GXYLT2: variants seen among roughly 807,000 people sequenced by gnomAD.
The protein encoded by GXYLT2 is glucoside xylosyltransferase 2, also known as glycosyltransferase 8 domain containing 4.
In GXYLT2, 53 loss-of-function variants were observed where a neutral mutation model predicts 45.8. The ratio of observed to expected loss-of-function variants is 1.16; its 90% confidence interval spans 0.93 to 1.46. The LOEUF is 1.46. GXYLT2 is among the 40% of genes most tolerant of loss of function. The pLI is 0.00. For synonymous variants in GXYLT2, 219 were observed against 214.2 expected (o/e 1.02, Z -0.19); for missense variants, 551 against 544.4 (o/e 1.01, Z -0.12).
rs368048666 is a variant in GXYLT2, at chr3:72,918,697, C to T, written c.469-3507C>T. On this transcript the variant is annotated intron_variant, in intron 2 of 6. Transcript: ENST00000389617. ...AAAAAATTAGCTGGGCATAGTAGTG[C>T]GCGTCTACTCGGGAGGCTACTCGGG... Among the ~76,000 whole-genome samples the T allele has an allele frequency of 2.2e-4, 33 of 151,864 alleles. 2 individuals carry two copies. Among genetic ancestry groups the T allele is most frequent in the Admixed American group, 1.1e-3 (17 of 15,228 alleles).
At chr3:72,958,629 C>CTT (rs760548760) in intron 5 of GXYLT2, among the ~76,000 whole-genome samples, 33 of 108,690 alleles carry the variant, frequency 3.0e-4, no homozygotes, top group Non-Finnish European at 3.7e-4. Flanking sequence ...TCACTTGTGG[C>CTT]TTTTTTTTTT....
At chr3:72,935,507 A>G (rs1428052466) in intron 3 of GXYLT2, among the ~76,000 whole-genome samples, 1 of 152,184 alleles carries the variant, frequency 6.6e-6, no homozygotes, top group Non-Finnish European at 1.5e-5. Flanking sequence ...GAGAGAATCC[A>G]TCAGAAGACA....
intron 5 of GXYLT2, among the ~76,000 whole-genome samples, chr3:72,960,215 C>T (rs894539029): frequency 2.6e-5 from 4 of 152,172 alleles, no homozygotes; most frequent in Non-Finnish European, 4.4e-5. Flanking sequence ...GCCACCACAC[C>T]CGGCCCTTTT....
chr3:72,958,190 T>C (rs1008085379), intron 5 of GXYLT2, among the ~76,000 whole-genome samples: 1 of 151,704 alleles, frequency 6.6e-6, no homozygotes, highest in African/African-American at 2.4e-5. Flanking sequence ...GGAGAATCAC[T>C]TGAACCCGGG....
chr3:72,894,141 G>A (rs1036278589), intron 1 of GXYLT2, among the ~76,000 whole-genome samples: 5 of 152,176 alleles, frequency 3.3e-5, no homozygotes, highest in Admixed American at 2.6e-4. Context: ...TAAGGGAATC[G>A]CCTTTAGGAT....
intron 1 of GXYLT2, 39 bp downstream of exon 1, chr3:72,888,547 G>A: frequency 1.7e-6 from 2 of 1,174,678 alleles, no homozygotes; most frequent in East Asian, 3.8e-5. Context: ...CTGCGGACCC[G>A]TGTCTCGCTC....
chr3:72,921,423 A>G (rs1709831803), intron 2 of GXYLT2, among the ~76,000 whole-genome samples: 1 of 151,618 alleles, frequency 6.6e-6, no homozygotes, highest in African/African-American at 2.4e-5. Flanking sequence ...TTCTTTTTCA[A>G]TTTAATTTAA....
At chr3:72,890,063 G>C (rs1709155258) in intron 1 of GXYLT2, among the ~76,000 whole-genome samples, 1 of 152,148 alleles carries the variant, frequency 6.6e-6, no homozygotes, top group Non-Finnish European at 1.5e-5. Context: ...TGGCAAACAG[G>C]CGTGTGCCAC....
intron 1 of GXYLT2, among the ~76,000 whole-genome samples, chr3:72,903,261 C>T (rs1022230530): frequency 2.0e-5 from 3 of 152,226 alleles, no homozygotes; most frequent in African/African-American, 7.2e-5. Context: ...TTACATAATA[C>T]AAGTAATCCA....
intron 3 of GXYLT2, chr3:72,928,912 C>T: frequency 1.4e-6 from 1 of 694,544 alleles, no homozygotes. Context: ...ACCCGGCGTT[C>T]GTCCCCCATC....
intron 3 of GXYLT2, among the ~76,000 whole-genome samples, chr3:72,954,070 A>C (rs1710577361): frequency 6.6e-6 from 1 of 152,156 alleles, no homozygotes; most frequent in African/African-American, 2.4e-5. Context: ...CAACCCGGAC[A>C]ACAGAGCAAG....
intron 1 of GXYLT2, chr3:72,907,877 A>G: frequency 6.4e-6 from 1 of 156,382 alleles, no homozygotes; most frequent in East Asian, 1.9e-4. Flanking sequence ...GCTTTGGTCC[A>G]GTGGTCATGC....
intron 1 of GXYLT2, among the ~76,000 whole-genome samples, chr3:72,893,480 G>A (rs1053700561): frequency 2.6e-5 from 4 of 152,142 alleles, no homozygotes; most frequent in Non-Finnish European, 5.9e-5. Flanking sequence ...ACCCTGTGTA[G>A]TCTTTTGTTT....
At chr3:72,903,653 G>C (rs1709448064) in intron 1 of GXYLT2, among the ~76,000 whole-genome samples, 1 of 152,150 alleles carries the variant, frequency 6.6e-6, no homozygotes, top group Admixed American at 6.5e-5. Context: ...GCCCTACATG[G>C]TGTTTGGCAT....
At chr3:72,964,076 C>T (rs1320686025) in intron 5 of GXYLT2, among the ~76,000 whole-genome samples, 1 of 152,136 alleles carries the variant, frequency 6.6e-6, no homozygotes, top group Non-Finnish European at 1.5e-5. Context: ...TCCCAAAGTG[C>T]TGGGATTATA....
intron 3 of GXYLT2, among the ~76,000 whole-genome samples, chr3:72,953,021 T>C (rs1710555397): frequency 6.6e-6 from 1 of 152,100 alleles, no homozygotes; most frequent in Admixed American, 6.5e-5. Flanking sequence ...TACTACTAGC[T>C]AAGGCTTTGA....
At chr3:72,921,309 T>C (rs1226882398) in intron 2 of GXYLT2, among the ~76,000 whole-genome samples, 2 of 152,194 alleles carry the variant, frequency 1.3e-5, no homozygotes, top group African/African-American at 4.8e-5. Flanking sequence ...GACAATGATA[T>C]AGAACTGAGG....
chr3:72,964,877 T>G (rs1225369655), intron 5 of GXYLT2, among the ~76,000 whole-genome samples: 2 of 152,232 alleles, frequency 1.3e-5, no homozygotes, highest in African/African-American at 4.8e-5. Context: ...TGAGCATCAT[T>G]AATGAGTGAT....
intron 3 of GXYLT2, among the ~76,000 whole-genome samples, chr3:72,941,230 C>A (rs1303918411): frequency 6.6e-6 from 1 of 152,182 alleles, no homozygotes; most frequent in East Asian, 1.9e-4. Flanking sequence ...GTTTACTCAT[C>A]TCCCTGCTAC....
Sources: gnomAD v4.1 joint callset for allele counts (sites outside exome capture counted in the v4.1 genomes callset) on GRCh38, gnomAD v4.1.1 for gene constraint, MANE v1.5 for transcripts, NCBI Gene and HGNC (gene_info 2026-07-23, HGNC 2026-07-21) for gene names.